LNX1: variants seen among roughly 807,000 people sequenced by gnomAD.
LNX1 encodes ligand of numb-protein X 1, also known as E3 ubiquitin-protein ligase LNX.
Under a neutral mutation model 68.4 loss-of-function variants are expected in LNX1, and 54 were observed. The ratio of observed to expected loss-of-function variants is 0.79; its 90% CI spans 0.63 to 0.99. The LOEUF is 0.99. Ranked by LOEUF, LNX1 falls within the 50% of genes least tolerant of loss-of-function variation. The pLI is 0.00. For missense variants in LNX1, 906 were observed against 926.4 expected (o/e 0.98, Z 0.29); for synonymous variants, 336 against 350.0 (o/e 0.96, Z 0.45).
rs1721314983 is a variant in LNX1, at chr4:53,459,402, G to A, written c.*1505C>T. 6.2e-7 allele frequency: 1 copy of A among 1,612,842 alleles called. No homozygotes were observed. ...CAAAGAAGGAAAAGAAGCGGGCAGT[G>A]AGCCTGCCCCTGAACAGGAGAGCAC... On this transcript the variant is annotated 3_prime_UTR_variant, in exon 11 of 11. Coordinates refer to ENST00000263925, the MANE Select transcript of LNX1 (RefSeq NM_001126328.3).
At chr4:53,575,636 G>C in intron 1 of LNX1, 2 of 1,335,186 alleles carry the variant, frequency 1.5e-6, no homozygotes, top group Non-Finnish European at 1.9e-6. Flanking sequence ...GGCTGCATTG[G>C]CTGGGGATCA....
At chr4:53,499,617 A>T (rs922048697) in intron 4 of LNX1, among the ~76,000 whole-genome samples, 4 of 152,250 alleles carry the variant, frequency 2.6e-5, no homozygotes, top group African/African-American at 9.6e-5. Context: ...AATGGAATGA[A>T]TTGCAGTTTT....
At chr4:53,467,672 G>T (rs1036154735) in intron 9 of LNX1, among the ~76,000 whole-genome samples, 1 of 152,190 alleles carries the variant, frequency 6.6e-6, no homozygotes, top group African/African-American at 2.4e-5. Context: ...GAAAACCACG[G>T]CACGAGAACT....
chr4:53,627,628 T>C (rs1351344749), intron 1 of LNX1, among the ~76,000 whole-genome samples: 1 of 152,236 alleles, frequency 6.6e-6, no homozygotes, highest in Non-Finnish European at 1.5e-5. Flanking sequence ...AATTTTTAAA[T>C]AAATGCACAG....
At chr4:53,549,491 C>A (rs1321075387) in intron 2 of LNX1, 2 of 91,418 alleles carry the variant, frequency 2.2e-5, no homozygotes, top group Non-Finnish European at 5.6e-5. Context: ...GATGTGGCAA[C>A]TAATTGCAAC....
chr4:53,599,371 T>A (rs1224782143), intron 2 of LNX1, among the ~76,000 whole-genome samples: 1 of 152,198 alleles, frequency 6.6e-6, no homozygotes, highest in Non-Finnish European at 1.5e-5. Context: ...TGATGGTTTA[T>A]AAATGCCACG....
upstream of LNX1, chr4:53,593,172 T>C (rs1732592539): frequency 6.6e-6 from 1 of 152,138 alleles, no homozygotes; most frequent in Admixed American, 6.5e-5. Context: ...GCCACTAGTT[T>C]GATAATTGAG....
intron 2 of LNX1, among the ~76,000 whole-genome samples, chr4:53,550,890 T>C (rs1221778367): frequency 2.0e-5 from 3 of 152,066 alleles, no homozygotes; most frequent in Non-Finnish European, 4.4e-5. Context: ...AATGGATAGA[T>C]GGAAATAGAT....
intron 1 of LNX1, among the ~76,000 whole-genome samples, chr4:53,651,525 T>G (rs1560708292): frequency 6.6e-6 from 1 of 152,220 alleles, no homozygotes; most frequent in Non-Finnish European, 1.5e-5. Flanking sequence ...TTTCTAAAAT[T>G]CCATCCTCTC....
At chr4:53,642,889 C>A (rs1017254567) in intron 1 of LNX1, among the ~76,000 whole-genome samples, 1 of 152,176 alleles carries the variant, frequency 6.6e-6, no homozygotes, top group African/African-American at 2.4e-5. Context: ...CCGTTATGGT[C>A]GCCTGGGTGT....
chr4:53,527,708 C>T (rs550062126), intron 2 of LNX1, among the ~76,000 whole-genome samples: 1 of 152,358 alleles, frequency 6.6e-6, no homozygotes, highest in South Asian at 2.1e-4. Context: ...AAAGCTCATA[C>T]TCACACATCC....
intron 1 of LNX1, among the ~76,000 whole-genome samples, chr4:53,627,984 A>G (rs1734139152): frequency 6.6e-6 from 1 of 152,230 alleles, no homozygotes. Context: ...CATTTAGGAA[A>G]GAACCAAAGG....
At chr4:53,553,122 T>A (rs1368334621) in intron 2 of LNX1, among the ~76,000 whole-genome samples, 2 of 152,198 alleles carry the variant, frequency 1.3e-5, no homozygotes, top group Non-Finnish European at 2.9e-5. Flanking sequence ...AAGCTGGCCA[T>A]ATGAACATTA....
rs537889385 is a variant in LNX1 at position 53,515,938 on chromosome 4, T to C, written c.381-7711A>G. ...ATACATAAAATGGGCACAGTGTTTA[T>C]TTACCATGAGGTTTAAAGATTCGCA... On this transcript the variant is annotated intron_variant, in intron 2 of 10. Coordinates refer to ENST00000263925, the MANE Select transcript of LNX1 (RefSeq NM_001126328.3). Among the ~76,000 whole-genome samples the C allele has an allele frequency of 1.4e-4, 21 of 152,310 alleles. No homozygotes were observed. In the South Asian group the frequency reaches 4.4e-3, roughly 32 times the overall value.
Position 53,507,227 on chromosome 4 carries a change from G to A in LNX1, c.775+90C>T, listed in dbSNP as rs1014904093. ...TACCCTTGGGAAGAGAGGGGTCACA[G>A]AAGGTGGAAGGTGATCAGATTGCGT... On this transcript the variant is annotated intron_variant, in intron 4 of 10. Transcript: ENST00000263925. 4 of 1,377,718 alleles carry A rather than the reference G, an allele frequency of 2.9e-6. No homozygotes were observed. The Admixed American group carries it at 6.7e-5, about 23-fold the overall frequency. The allele number at this position is 1,377,718 out of a possible 1,614,324, so 85.3% of individuals were successfully genotyped here. A position where few individuals can be genotyped will look rare whatever the true frequency, so the allele number is the denominator to read the frequency against.
At chr4:53,642,016 T>G (rs1734704018) in intron 1 of LNX1, among the ~76,000 whole-genome samples, 1 of 151,566 alleles carries the variant, frequency 6.6e-6, no homozygotes, top group Non-Finnish European at 1.5e-5. Flanking sequence ...AGGCCAGGAG[T>G]TAGAGACCAG....
intron 9 of LNX1, among the ~76,000 whole-genome samples, chr4:53,474,779 T>TG (rs992334012): frequency 6.6e-5 from 10 of 151,572 alleles, no homozygotes; most frequent in South Asian, 2.1e-4. Context: ...TTCTTCTTTT[T>TG]TTTTTGAGAC....
chr4:53,460,865 C>CTATTAAT lies in LNX1; in HGVS notation c.*41_*42insATTAATA, dbSNP rs34823651. ...AAATATAGTGTTTCAACTTCTTAGC[C>CTATTAAT]TATTTGTGATTTTTCTGTTTTCCTC... On this transcript the variant is annotated 3_prime_UTR_variant, in exon 11 of 11. Transcript: ENST00000263925. 1 of 1,548,922 alleles carries CTATTAAT rather than the reference C, an allele frequency of 6.5e-7. No individual in the cohort carries two copies. Among genetic ancestry groups the CTATTAAT allele is most frequent in the African/African-American group, 1.4e-5 (1 of 72,210 alleles).
At chr4:53,478,469 T>G in intron 8 of LNX1, 96 bp downstream of exon 8, 47 of 1,072,358 alleles carry the variant, frequency 4.4e-5, no homozygotes, top group Non-Finnish European at 5.0e-5. Context: ...CACTCCCACA[T>G]TCTCTCATTA....
Sources: allele counts gnomAD v4.1 joint callset (sites outside exome capture counted in the v4.1 genomes callset), GRCh38; gene constraint gnomAD v4.1.1; transcripts MANE v1.5; gene names NCBI Gene and HGNC (gene_info 2026-07-23, HGNC 2026-07-21).